ERMP1: variants seen among roughly 807,000 people sequenced by gnomAD.
The protein encoded by ERMP1 is Felix-ina.
In ERMP1, 86 loss-of-function variants were observed where a neutral mutation model predicts 92.0. That is an observed-to-expected ratio of 0.93 (90% CI 0.79 to 1.12). The LOEUF is 1.12. Ranked by LOEUF, ERMP1 falls within the 50% of genes most tolerant of loss-of-function variation. The pLI, the probability that ERMP1 is intolerant of heterozygous loss-of-function variation, is 0.00. For missense variants in ERMP1, 1,342 were observed against 1,116.3 expected, an observed-to-expected ratio of 1.20 and a Z score of -2.88; for synonymous variants, 530 against 412.8, an observed-to-expected ratio of 1.28 and a Z score of -3.44.
chr9:5,840,748 C>T (rs1465513834), intron 6 of ERMP1, among the ~76,000 whole-genome samples: 1 of 152,194 alleles, frequency 6.6e-6, no homozygotes, highest in Non-Finnish European at 1.5e-5. Context: ...ATAGGGTTGT[C>T]CTGAGGCCCT....
intron 4 of ERMP1, among the ~76,000 whole-genome samples, chr9:5,815,810 C>G (rs1829282133): frequency 6.6e-6 from 1 of 151,978 alleles, no homozygotes; most frequent in African/African-American, 2.4e-5. Flanking sequence ...AATAATGAGA[C>G]AAACAGATAC....
At chr9:5,799,970 A>G (rs1828606069) in intron 11 of ERMP1, among the ~76,000 whole-genome samples, 1 of 152,220 alleles carries the variant, frequency 6.6e-6, no homozygotes, top group African/African-American at 2.4e-5. Context: ...GACTATAACA[A>G]GGAATTGTTA....
intron 5 of ERMP1, among the ~76,000 whole-genome samples, chr9:5,865,046 A>G (rs769710863): frequency 3.3e-5 from 5 of 152,232 alleles, no homozygotes; most frequent in Non-Finnish European, 7.3e-5. Flanking sequence ...TTGGCCAAAC[A>G]TTTAGAAATG....
At chr9:5,857,390 G>A (rs1830390909) in intron 6 of ERMP1, among the ~76,000 whole-genome samples, 1 of 152,014 alleles carries the variant, frequency 6.6e-6, no homozygotes, top group Admixed American at 6.6e-5. Context: ...GCCTCGGCTG[G>A]GCACGTGCAC....
chr9:5,831,588 A>G (rs536631982), intron 1 of ERMP1, among the ~76,000 whole-genome samples: 24 of 152,334 alleles, frequency 1.6e-4, no homozygotes, highest in Middle Eastern at 3.4e-3. Context: ...CCTGGGCGAC[A>G]GAGCCAGGCC....
At chr9:5,847,714 T>C (rs948141152) in intron 6 of ERMP1, among the ~76,000 whole-genome samples, 18 of 151,528 alleles carry the variant, frequency 1.2e-4, no homozygotes, top group Non-Finnish European at 2.4e-4. Flanking sequence ...GCTAACACGG[T>C]AAAACCCTGT....
At chr9:5,798,062 T>C (rs1228145270) in intron 12 of ERMP1, 130 bp from the exon 13 acceptor site, 1 of 675,640 alleles carries the variant, frequency 1.5e-6, no homozygotes, top group Non-Finnish European at 2.6e-6. Context: ...TGATAAGCAA[T>C]GCCAACTCCA....
intron 5 of ERMP1, among the ~76,000 whole-genome samples, chr9:5,861,168 G>GGGGT (rs139043695): frequency 8.5e-6 from 1 of 117,556 alleles, no homozygotes; most frequent in Non-Finnish European, 1.8e-5. Flanking sequence ...AATGGCTTAG[G>GGGGT]GGGTGTGTGT....
intron 6 of ERMP1, among the ~76,000 whole-genome samples, chr9:5,845,039 T>C (rs56375642): frequency 0.046 from 7,041 of 152,112 alleles, 214 homozygotes; most frequent in Middle Eastern, 0.14. Context: ...CCGCCAGCTC[T>C]TCCTTGGGGC....
chr9:5,837,724 C>T (rs368292353), upstream of ERMP1, among the ~76,000 whole-genome samples: 41 of 152,278 alleles, frequency 2.7e-4, 1 homozygote, highest in Middle Eastern at 6.8e-3. Context: ...AAAATATCAA[C>T]GCCTCAATAG....
intron 5 of ERMP1, among the ~76,000 whole-genome samples, chr9:5,861,324 G>C (rs1351816960): frequency 6.6e-6 from 1 of 151,464 alleles, no homozygotes; most frequent in Non-Finnish European, 1.5e-5. Context: ...TGCTGAATTT[G>C]GGTGAAAAAA....
chr9:5,826,327 C>T lies in ERMP1; in HGVS notation c.641-1108G>A, dbSNP rs79946965. On this transcript the variant is annotated intron_variant, in intron 2 of 14. Coordinates refer to ENST00000339450, the MANE Select transcript of ERMP1 (RefSeq NM_024896.3). ...TGAAGCAGGGTGCCAAAGAGTTTGG[C>T]GTGGATTTGAGAGCAAGAAAGATTT... is the stretch of plus-strand genomic sequence containing the variant. 5.1e-3 allele frequency among the ~76,000 whole-genome samples: 773 copies of T among 152,208 alleles called. 10 individuals are homozygous for T. The highest frequency in any genetic ancestry group is 0.014 in the Middle Eastern group (4 of 294).
At chr9:5,803,065 C>T (rs1413155918) in intron 10 of ERMP1, among the ~76,000 whole-genome samples, 1 of 151,956 alleles carries the variant, frequency 6.6e-6, no homozygotes, top group Non-Finnish European at 1.5e-5. Flanking sequence ...AAACAAAAAA[C>T]CGTGATTGCT....
At position 5,814,576 on chromosome 9, in the gene ERMP1, C is replaced by G. The variant is rs529082876; in HGVS notation, c.875-1541G>C. On this transcript the variant is annotated intron_variant, in intron 4 of 14. Transcript: ENST00000339450. ...TGGCCAACATGGCAAAACCCCACCT[C>G]TACTAAAAATACAAAAATAAGCAGG... 2.0e-5 allele frequency among the ~76,000 whole-genome samples: 3 copies of G among 152,128 alleles called. No individual in the cohort carries two copies. The East Asian group carries it at 5.8e-4, about 29-fold the overall frequency.
intron 13 of ERMP1, among the ~76,000 whole-genome samples, chr9:5,788,053 T>G (rs1022321470): frequency 6.6e-6 from 1 of 152,242 alleles, no homozygotes; most frequent in African/African-American, 2.4e-5. Flanking sequence ...CTGGAAAATA[T>G]TAGCTCAGTT....
At chr9:5,805,839 G>T in intron 8 of ERMP1, 54 bp from the exon 9 acceptor site, 1 of 1,366,810 alleles carries the variant, frequency 7.3e-7, no homozygotes, top group Non-Finnish European at 9.9e-7. Context: ...TGCATAAAGA[G>T]CTTTTATTAT....
chr9:5,842,969 C>CT (rs1830184290), intron 6 of ERMP1, among the ~76,000 whole-genome samples: 1 of 152,226 alleles, frequency 6.6e-6, no homozygotes, highest in South Asian at 2.1e-4. Context: ...TAAGGCTAAT[C>CT]TTTAAGAAGC....
chr9:5,807,221 A>G (rs1828902302), intron 8 of ERMP1, among the ~76,000 whole-genome samples: 1 of 152,102 alleles, frequency 6.6e-6, no homozygotes, highest in African/African-American at 2.4e-5. Context: ...TTTTCTCACA[A>G]AATCACAAAT....
At chr9:5,846,880 T>C (rs1830242646) in intron 6 of ERMP1, among the ~76,000 whole-genome samples, 1 of 152,224 alleles carries the variant, frequency 6.6e-6, no homozygotes, top group Non-Finnish European at 1.5e-5. Flanking sequence ...ATTTTCCTGT[T>C]CAGCATGGAA....
Sources: allele counts gnomAD v4.1 joint callset (sites outside exome capture counted in the v4.1 genomes callset), GRCh38; gene constraint gnomAD v4.1.1; transcripts MANE v1.5; gene names NCBI Gene and HGNC (gene_info 2026-07-23, HGNC 2026-07-21).